The following FBXL17 variants were observed in gnomAD, a reference collection of about 807,000 sequenced individuals.
FBXL17 encodes the protein F-box and leucine rich repeat protein 17.
FBXL17 carries 22 observed loss-of-function variants against 66.2 expected under a neutral mutation model. That is an observed-to-expected ratio of 0.33 (90% CI 0.24 to 0.47). The LOEUF is 0.47. Among genes scored for constraint, FBXL17 ranks in the 20% least tolerant of loss-of-function variants. FBXL17 has a pLI of 1.00. For missense variants in FBXL17, 878 were observed against 948.2 expected, an observed-to-expected ratio of 0.93 and a Z score of 0.97; for synonymous variants, 474 against 400.5, an observed-to-expected ratio of 1.18 and a Z score of -2.19.
At chr5:108,313,837 ATACAG>A (rs1759234203) in intron 4 of FBXL17, among the ~76,000 whole-genome samples, 1 of 151,892 alleles carries the variant, frequency 6.6e-6, no homozygotes, top group South Asian at 2.1e-4. Context: ...TGAACAATTA[ATACAG>A]TATTCTATTT....
intron 5 of FBXL17, among the ~76,000 whole-genome samples, chr5:108,219,400 C>T (rs1334979220): frequency 1.3e-5 from 2 of 152,076 alleles, no homozygotes; most frequent in African/African-American, 4.8e-5. Flanking sequence ...TAAAGATGTT[C>T]ACTGGCTGGA....
chr5:107,871,057 C>CAAAAAAAAAAAAAAAAA lies in FBXL17; in HGVS notation c.1966-9214_1966-9198dup, dbSNP rs201752049. On this transcript the variant is annotated intron_variant, in intron 8 of 8. Coordinates refer to ENST00000542267, the MANE Select transcript of FBXL17 (RefSeq NM_001163315.3). ...GGTAAGAAATATTACTCTTGGGCGGCAAAAAAAAAAAAAAAAAAAAAACCT... is the reference window on the plus strand; with the variant it reads ...GGTAAGAAATATTACTCTTGGGCGGCAAAAAAAAAAAAAAAAAAAAAAAAAAAAAAAAAAAAAAACCT... 6.3e-3 allele frequency among the ~76,000 whole-genome samples: 416 copies of CAAAAAAAAAAAAAAAAA among 65,776 alleles called. 45 individuals are homozygous for CAAAAAAAAAAAAAAAAA. Among genetic ancestry groups the CAAAAAAAAAAAAAAAAA allele is most frequent in the East Asian group, 7.1e-3 (20 of 2,836 alleles). The allele number at this position is 65,776 out of a possible 152,430, so 43.2% of individuals were successfully genotyped here.
chr5:108,342,147 G>A (rs983060117), intron 4 of FBXL17, among the ~76,000 whole-genome samples: 1 of 152,102 alleles, frequency 6.6e-6, no homozygotes, highest in Non-Finnish European at 1.5e-5. Flanking sequence ...AAGGAACAGA[G>A]TACAGAGTTA....
At chr5:108,145,549 A>G (rs1476287443) in intron 6 of FBXL17, among the ~76,000 whole-genome samples, 1 of 152,226 alleles carries the variant, frequency 6.6e-6, no homozygotes, top group African/African-American at 2.4e-5. Context: ...TTCATTTACT[A>G]ACGCAGAAAT....
intron 4 of FBXL17, among the ~76,000 whole-genome samples, chr5:108,293,112 C>T (rs13172681): frequency 1.4e-5 from 2 of 142,844 alleles, no homozygotes; most frequent in Non-Finnish European, 3.1e-5. Flanking sequence ...AAAAAAAAAA[C>T]AAAAAAAAAC....
intron 6 of FBXL17, among the ~76,000 whole-genome samples, chr5:108,150,306 T>A (rs888825830): frequency 1.3e-5 from 2 of 152,156 alleles, no homozygotes; most frequent in African/African-American, 4.8e-5. Flanking sequence ...CAGGTCCAAG[T>A]GATCCTCCCA....
intron 6 of FBXL17, among the ~76,000 whole-genome samples, chr5:108,151,389 A>T (rs1380636315): frequency 6.6e-6 from 1 of 152,072 alleles, no homozygotes; most frequent in Non-Finnish European, 1.5e-5. Flanking sequence ...TGTCAATCAA[A>T]CTCCTAACTT....
At chr5:107,915,423 G>C (rs1330760513) in intron 7 of FBXL17, among the ~76,000 whole-genome samples, 1 of 152,146 alleles carries the variant, frequency 6.6e-6, no homozygotes, top group African/African-American at 2.4e-5. Context: ...TATTTCATAA[G>C]AACGTTTTCC....
rs191295058 is a variant in FBXL17, at chr5:107,991,388, G to C, written c.1822+29537C>G. Among the ~76,000 whole-genome samples, 116 of 152,242 alleles carry C rather than the reference G, an allele frequency of 7.6e-4. 1 individual carries two copies. The highest frequency in any genetic ancestry group is 2.9e-3 in the Admixed American group (45 of 15,298). ...TTGCCTTTAAATATATCCTCTTTTG[G>C]GGGGTGGGGTTGAGGTGGGAAGAGA... On this transcript the variant is annotated intron_variant, in intron 7 of 8. Coordinates refer to ENST00000542267, the MANE Select transcript of FBXL17 (RefSeq NM_001163315.3).
rs1313924066 is a variant in FBXL17 at position 108,126,684 on chromosome 5, T to TATATATATAC, written c.1745+59432_1745+59433insGTATATATAT. Among the ~76,000 whole-genome samples, 117 of 135,450 alleles carry TATATATATAC rather than the reference T, an allele frequency of 8.6e-4. 1 individual carries two copies. Among genetic ancestry groups the TATATATATAC allele is most frequent in the Admixed American group, 1.5e-3 (19 of 12,972 alleles). 88.9% of individuals were successfully genotyped at this position (135,450 alleles called of 152,430 possible). On this transcript the variant is annotated intron_variant, in intron 6 of 8. Transcript: ENST00000542267. ...ATATACATATATATATATATATATA[T>TATATATATAC]ACACACATACATAACATGAGTCAGC... is the stretch of plus-strand genomic sequence containing the variant.
chr5:108,202,725 C>T (rs1002256179), intron 5 of FBXL17, among the ~76,000 whole-genome samples: 1 of 152,124 alleles, frequency 6.6e-6, no homozygotes, highest in African/African-American at 2.4e-5. Context: ...CTTAGAACAG[C>T]TGCAATTTAA....
intron 7 of FBXL17, among the ~76,000 whole-genome samples, chr5:107,998,136 T>A (rs1244885017): frequency 2.6e-5 from 4 of 152,214 alleles, no homozygotes; most frequent in African/African-American, 9.7e-5. Context: ...TTTTAATTGA[T>A]TACATGCTGG....
At chr5:108,195,894 C>G (rs1253015004) in intron 5 of FBXL17, among the ~76,000 whole-genome samples, 7 of 152,052 alleles carry the variant, frequency 4.6e-5, no homozygotes, top group Non-Finnish European at 1.0e-4. Flanking sequence ...AATATTGTTG[C>G]AACTAACAAA....
chr5:108,142,068 C>A (rs1218692367), intron 6 of FBXL17, among the ~76,000 whole-genome samples: 1 of 152,212 alleles, frequency 6.6e-6, no homozygotes, highest in Non-Finnish European at 1.5e-5. Context: ...CTTTAAATCC[C>A]TGGCACTTAA....
intron 4 of FBXL17, among the ~76,000 whole-genome samples, chr5:108,312,796 T>C (rs193271534): frequency 6.6e-6 from 1 of 152,282 alleles, no homozygotes; most frequent in East Asian, 1.9e-4. Flanking sequence ...TATATATTTC[T>C]TCCAGGCCCT....
intron 4 of FBXL17, among the ~76,000 whole-genome samples, chr5:108,308,548 T>C (rs995194992): frequency 6.6e-5 from 10 of 152,214 alleles, no homozygotes; most frequent in Admixed American, 3.3e-4. Flanking sequence ...GAAAATGTGA[T>C]AGAAATATTA....
intron 4 of FBXL17, among the ~76,000 whole-genome samples, chr5:108,290,499 T>TC (rs1346390383): frequency 3.9e-5 from 6 of 152,170 alleles, no homozygotes; most frequent in Non-Finnish European, 8.8e-5. Context: ...TTCTTGCTAT[T>TC]CCTTCCCATG....
intron 6 of FBXL17, among the ~76,000 whole-genome samples, chr5:108,107,785 C>A (rs1177079277): frequency 7.2e-6 from 1 of 139,422 alleles, no homozygotes; most frequent in Non-Finnish European, 1.5e-5. Context: ...GCACTCCGGC[C>A]TGGGCAACAC....
At chr5:108,217,211 T>A (rs1012322452) in intron 5 of FBXL17, among the ~76,000 whole-genome samples, 5 of 152,006 alleles carry the variant, frequency 3.3e-5, no homozygotes, top group African/African-American at 1.2e-4. Flanking sequence ...CCAGACCCCC[T>A]CTCTGCTGGC....
Sources: gnomAD v4.1 joint callset for allele counts (sites outside exome capture counted in the v4.1 genomes callset) on GRCh38, gnomAD v4.1.1 for gene constraint, MANE v1.5 for transcripts, NCBI Gene and HGNC (gene_info 2026-07-23, HGNC 2026-07-21) for gene names.